TOPORS: variants seen among roughly 807,000 people sequenced by gnomAD.
TOPORS encodes E3 ubiquitin-protein ligase Topors.
TOPORS carries 25 observed loss-of-function variants against 81.4 expected under a neutral mutation model. The ratio of observed to expected loss-of-function variants is 0.31; its 90% CI spans 0.22 to 0.43. TOPORS has a LOEUF of 0.43. TOPORS is among the 20% of genes least tolerant of loss of function. The probability of loss-of-function intolerance (pLI) is 1.00; values close to 1 mark genes in which losing one functional copy is unlikely to be tolerated. For missense variants in TOPORS, 1,101 were observed against 1,267.0 expected (o/e 0.87, Z 1.99); for synonymous variants, 473 against 456.6 (o/e 1.04, Z -0.46).
In TOPORS at chr9:32,543,803, G is replaced by A. The variant is rs41272913; in HGVS notation, c.722C>T (p.Thr241Met). The stretch of plus-strand genomic sequence containing the variant: ...TTTCCGCAAAGATCTTTCATCTGCC[G>A]TAGTTGGCCTCCTTACTGCAATCTG... ...MRQIAVRRPT[T>M]ADERSLRKIQ... Residue 241 changes from threonine (T) to methionine (M), a missense_variant, in exon 3 of 3, where the codon ACG becomes ATG. Around this residue, in one of 9 missense-constraint regions of TOPORS, gnomAD observed 120 missense variants for 115.4 expected, o/e 1.04. Transcript: ENST00000360538. The surrounding 1 kb of genome is among the most constrained non-coding windows in gnomAD (Gnocchi z 5.6). The A allele has an allele frequency of 3.2e-4, 511 of 1,613,308 alleles. No homozygotes were observed. Among genetic ancestry groups the A allele is most frequent in the African/African-American group, 9.7e-4 (73 of 74,982 alleles).
rs373192754 is a variant in TOPORS at position 32,541,892 on chromosome 9, G to C, written c.2633C>G (p.Thr878Arg). The stretch of plus-strand genomic sequence containing the variant: ...CTTTTTCTTTTTATGGTGTTTAGTT[G>C]TATCAGTAGCTTTTCCTTCATAAAC... ...EIVYEGKATD[T>R]TKHHKKKKKK... The change falls in exon 3 of 3, where the codon ACA becomes AGA. Residue 878 changes from threonine (T) to arginine (R), a missense_variant. Physicochemically the swap from Thr to Arg is moderately conservative, Grantham distance 71. This residue lies in a region of TOPORS where 605 missense variants were observed against 636.1 expected (regional missense o/e 0.95). Transcript: ENST00000360538. 3.1e-6 allele frequency: 5 copies of C among 1,613,870 alleles called. No individual in the cohort carries two copies. Among genetic ancestry groups the C allele is most frequent in the South Asian group, 2.2e-5 (2 of 91,082 alleles).
chr9:32,552,289 C>T, intron 1 of TOPORS, 145 bp downstream of exon 1: 3 of 1,221,370 alleles, frequency 2.5e-6, no homozygotes, highest in South Asian at 2.6e-5. Context: ...CGGAAGAGGC[C>T]AGCGACAGCG....
rs768838940 is a variant in TOPORS at position 32,541,711 on chromosome 9, C to T, written c.2814G>A (p.Glu938=). ...NSGPQDPLQN[E]FLAPSLEPFE... is the part of the protein sequence containing the mutation. ...ATGGTTCCAAGGAAGGAGCCAAAAA[C>T]TCATTTTGTAGAGGGTCTTGAGGAC... Residue 938 remains glutamate (E), a synonymous_variant, in exon 3 of 3, where the codon GAG becomes GAA. Transcript: ENST00000360538. The T allele has an allele frequency of 8.7e-6, 14 of 1,614,070 alleles. No individual in the cohort carries two copies. Among genetic ancestry groups the T allele is most frequent in the Non-Finnish European group, 1.0e-5 (12 of 1,180,054 alleles).
chr9:32,550,967 C>A lies in TOPORS; in HGVS notation c.5G>T (p.Gly2Val), dbSNP rs1250676232. ...CGGAGACCCCAGCGGCGGCTGCGAC[C>A]CCTGTGACGCAAAGGGCTCATCACC... M[G>V]SQPPLGSPLS... The change falls in exon 2 of 3, where the codon GGG becomes GTG. Residue 2 changes from glycine to valine, a missense_variant and splice_region_variant. Around this residue, in one of 9 missense-constraint regions of TOPORS, gnomAD observed 131 missense variants for 101.0 expected, o/e 1.30. Transcript: ENST00000360538. 5 of 1,610,154 alleles carry A rather than the reference C, an allele frequency of 3.1e-6. No individual in the cohort carries two copies. The highest frequency in any genetic ancestry group is 4.2e-6 in the Non-Finnish European group (5 of 1,179,756).
intron 2 of TOPORS, among the ~76,000 whole-genome samples, chr9:32,546,688 A>G (rs539578203): frequency 1.3e-5 from 2 of 152,368 alleles, no homozygotes; most frequent in Admixed American, 1.3e-4. Flanking sequence ...CAAATAAAAT[A>G]AAATCTCAAC....
chr9:32,544,269 T>C lies in TOPORS; in HGVS notation c.256A>G (p.Thr86Ala). ...GGTACTGTCTGTTGCAATTTGCTAG[T>C]GCCAGCTTTAGGTGAAAAGTTGTCC... The part of the protein sequence containing the change: ...KMDNFSPKAG[T>A]SKLQQTVPAD... The change falls in exon 3 of 3, where the codon ACT becomes GCT. Residue 86 changes from threonine to alanine, a missense_variant. Coordinates refer to ENST00000360538, the MANE Select transcript of TOPORS (RefSeq NM_005802.5). 1 of 1,606,590 alleles carries C rather than the reference T, an allele frequency of 6.2e-7. No homozygotes were observed. The highest frequency in any genetic ancestry group is 8.5e-7 in the Non-Finnish European group (1 of 1,179,994).
chr9:32,545,191 T>C (rs1489564040), intron 2 of TOPORS, among the ~76,000 whole-genome samples: 1 of 152,172 alleles, frequency 6.6e-6, no homozygotes, highest in Admixed American at 6.6e-5. Flanking sequence ...CACTATTATA[T>C]TCAGTTAATC....
chr9:32,550,307 AAAGCCACGGTGAT>A (rs938367253), intron 2 of TOPORS, among the ~76,000 whole-genome samples: 4 of 152,338 alleles, frequency 2.6e-5, no homozygotes, highest in Non-Finnish European at 5.9e-5. Context: ...CCCAACTCCC[AAAGCCACGGTGAT>A]AGTCGTTTAC....
intron 2 of TOPORS, 117 bp from the exon 3 acceptor site, chr9:32,544,443 C>T (rs1465544902): frequency 9.8e-7 from 1 of 1,022,548 alleles, no homozygotes; most frequent in African/African-American, 1.6e-5. Context: ...CTTAAGTGAC[C>T]CATTACTTTT....
In TOPORS at chr9:32,541,679, G is replaced by A. The variant is rs947357620; in HGVS notation, c.2846C>T (p.Thr949Ile). Residue 949 changes from threonine to isoleucine, a missense_variant, in exon 3 of 3, where the codon ACT becomes ATT. This residue lies in a region of TOPORS where 605 missense variants were observed against 636.1 expected (regional missense o/e 0.95). Transcript: ENST00000360538. ...FLAPSLEPFE[T>I]KDVVTIEAEF... ...AGCTTCTATTGTAACTACATCTTTAGTTTCAAATGGTTCCAAGGAAGGAGC... is the reference window on the plus strand; with the variant it reads ...AGCTTCTATTGTAACTACATCTTTAATTTCAAATGGTTCCAAGGAAGGAGC... 3 of 1,614,148 alleles carry A rather than the reference G, an allele frequency of 1.9e-6. No individual in the cohort carries two copies. The Middle Eastern group carries it at 4.9e-4, about 266-fold the overall frequency.
intron 1 of TOPORS, 76 bp from the exon 2 acceptor site, chr9:32,551,044 C>T: frequency 1.3e-6 from 2 of 1,520,800 alleles, no homozygotes; most frequent in Non-Finnish European, 8.9e-7. Context: ...CCAGCTCCCG[C>T]GCATCAAAAC....
In TOPORS at chr9:32,541,182, A is replaced by G. The variant is rs1039121393; in HGVS notation, c.*205T>C. On this transcript the variant is annotated 3_prime_UTR_variant, in exon 3 of 3. Coordinates refer to ENST00000360538, the MANE Select transcript of TOPORS (RefSeq NM_005802.5). Reference sequence around the variant, plus strand: ...CTAGCAGTATCATTTTCTTCACTTAAAAGTGCATATCTTTGAGGGTGGGAC... The same window carrying G: ...CTAGCAGTATCATTTTCTTCACTTAGAAGTGCATATCTTTGAGGGTGGGAC... 11 of 507,988 alleles carry G rather than the reference A, an allele frequency of 2.2e-5. No homozygotes were observed. Among genetic ancestry groups the G allele is most frequent in the African/African-American group, 1.9e-4 (10 of 52,458 alleles). The allele number at this position is 507,988 out of a possible 1,614,324, so 31.5% of individuals were successfully genotyped here.
chr9:32,547,029 C>A (rs1293707321), intron 2 of TOPORS, among the ~76,000 whole-genome samples: 2 of 123,942 alleles, frequency 1.6e-5, no homozygotes, highest in Non-Finnish European at 3.6e-5. Context: ...CAGAATGAGA[C>A]CCTGTTTCAA....
chr9:32,541,274 A>G lies in TOPORS; in HGVS notation c.*113T>C, dbSNP rs1821051761. 1.9e-6 allele frequency: 2 copies of G among 1,046,392 alleles called. No individual in the cohort carries two copies. Among genetic ancestry groups the G allele is most frequent in the East Asian group, 2.6e-5 (1 of 38,662 alleles). 64.8% of individuals were successfully genotyped at this position (1,046,392 alleles called of 1,614,324 possible). A position where few individuals can be genotyped will look rare whatever the true frequency, so the allele number is the denominator to read the frequency against. On this transcript the variant is annotated 3_prime_UTR_variant, in exon 3 of 3. Transcript: ENST00000360538. Reference sequence around the variant, plus strand: ...AAAAAAAAATCATTTAAAATATTGTAAGGAGGAAGAGAGTTTTCACCAAAT... The same window carrying G: ...AAAAAAAAATCATTTAAAATATTGTGAGGAGGAAGAGAGTTTTCACCAAAT...
Position 32,550,970 on chromosome 9 carries a change from T to C in TOPORS, c.4-2A>G. On this transcript the variant is annotated splice_acceptor_variant, in intron 1 of 2. Transcript: ENST00000360538. LOFTEE classifies it high-confidence loss of function. ...AGACCCCAGCGGCGGCTGCGACCCC[T>C]GTGACGCAAAGGGCTCATCACCAAT... 1 of 1,609,698 alleles carries C rather than the reference T, an allele frequency of 6.2e-7. No individual in the cohort carries two copies. The highest frequency in any genetic ancestry group is 8.5e-7 in the Non-Finnish European group (1 of 1,179,608).
intron 2 of TOPORS, among the ~76,000 whole-genome samples, chr9:32,546,863 A>G (rs1821146397): frequency 6.6e-6 from 1 of 152,220 alleles, no homozygotes; most frequent in Non-Finnish European, 1.5e-5. Flanking sequence ...ATTTCTACAC[A>G]GGAATCATTA....
In TOPORS at chr9:32,550,988, T is replaced by C. The variant is rs1587627381; in HGVS notation, c.4-20A>G. 6.2e-7 allele frequency: 1 copy of C among 1,607,986 alleles called. No individual in the cohort carries two copies. Among genetic ancestry groups the C allele is most frequent in the Non-Finnish European group, 8.5e-7 (1 of 1,179,684 alleles). ...CGACCCCTGTGACGCAAAGGGCTCATCACCAATGGCAGCTCGGAAGCAGGG... is the reference window on the plus strand; with the variant it reads ...CGACCCCTGTGACGCAAAGGGCTCACCACCAATGGCAGCTCGGAAGCAGGG... On this transcript the variant is annotated intron_variant, in intron 1 of 2. Transcript: ENST00000360538.
Position 32,541,193 on chromosome 9 carries a change from C to CT in TOPORS, c.*193dup. ...ATTTTCTTCACTTAAAAGTGCATAT[C>CT]TTTGAGGGTGGGACATACATTTTGA... On this transcript the variant is annotated 3_prime_UTR_variant, in exon 3 of 3. Coordinates refer to ENST00000360538, the MANE Select transcript of TOPORS (RefSeq NM_005802.5). 1 of 558,322 alleles carries CT rather than the reference C, an allele frequency of 1.8e-6. No individual in the cohort carries two copies. The highest frequency in any genetic ancestry group is 2.4e-5 in the South Asian group (1 of 42,196). The allele number at this position is 558,322 out of a possible 1,614,324, so 34.6% of individuals were successfully genotyped here. A position where few individuals can be genotyped will look rare whatever the true frequency, so the allele number is the denominator to read the frequency against.
At chr9:32,551,010 A>C in intron 1 of TOPORS, 42 bp from the exon 2 acceptor site, 1 of 1,599,910 alleles carries the variant, frequency 6.3e-7, no homozygotes, top group Non-Finnish European at 8.5e-7. Flanking sequence ...GCTCGGAAGC[A>C]GGGCAGAGAG....
Sources: allele counts gnomAD v4.1 joint callset (sites outside exome capture counted in the v4.1 genomes callset), GRCh38; gene constraint gnomAD v4.1.1; regional missense constraint gnomAD v4.1.1; non-coding constraint Gnocchi (gnomAD v3.1); transcripts MANE v1.5; gene names NCBI Gene and HGNC (gene_info 2026-07-23, HGNC 2026-07-21).